MAF: variants seen among roughly 807,000 people sequenced by gnomAD.
The protein encoded by MAF is transcription factor Maf.
MAF carries 10 observed loss-of-function variants against 22.0 expected under a neutral mutation model. The observed-to-expected ratio is 0.45, with a 90% CI of 0.28 to 0.77. The LOEUF is 0.77. Among genes scored for constraint, MAF ranks in the 30% least tolerant of loss-of-function variants. The probability of loss-of-function intolerance (pLI) is 0.12; values close to 1 mark genes in which losing one functional copy is unlikely to be tolerated. For missense variants in MAF, 544 were observed against 548.4 expected, an observed-to-expected ratio of 0.99 and a Z score of 0.08; for synonymous variants, 337 against 255.8, an observed-to-expected ratio of 1.32 and a Z score of -3.03.
At chr16:79,457,512 A>G in the MAF span, among the ~76,000 whole-genome samples, 2 of 152,138 alleles carry the variant, frequency 1.3e-5, no homozygotes. Flanking sequence ...TTTTCATTCA[A>G]CCATGTCAGC....
At chr16:79,329,348 G>C in the MAF span, among the ~76,000 whole-genome samples, 1 of 152,102 alleles carries the variant, frequency 6.6e-6, no homozygotes, top group Non-Finnish European at 1.5e-5. Context: ...GTGAGAGTTT[G>C]CATCAGTCTT....
At chr16:79,407,016 G>A in the MAF span, among the ~76,000 whole-genome samples, 57 of 152,250 alleles carry the variant, frequency 3.7e-4, no homozygotes, top group African/African-American at 1.4e-3. Context: ...ACACCCAGCC[G>A]GGAAAGAAGC....
chr16:79,288,083 A>AG, the MAF span, among the ~76,000 whole-genome samples: 3 of 152,120 alleles, frequency 2.0e-5, no homozygotes, highest in African/African-American at 7.2e-5. Context: ...ACAGAGAGGA[A>AG]GGCATTGGAG....
rs781515898 is a variant in MAF at position 79,594,131 on chromosome 16, C to T, written c.*329G>A. 3.8e-5 allele frequency: 12 copies of T among 312,344 alleles called. No homozygotes were observed. The highest frequency in any genetic ancestry group is 1.7e-4 in the African/African-American group (8 of 48,020). 19.3% of individuals were successfully genotyped at this position (312,344 alleles called of 1,614,324 possible). On this transcript the variant is annotated 3_prime_UTR_variant, in exon 2 of 2. Transcript: ENST00000326043. ...TTTTAAAATGCTAATTGTTGCATTC[C>T]GGGAAACTTTCCATTATATATATGC...
chr16:79,368,442 T>C, the MAF span, among the ~76,000 whole-genome samples: 2 of 152,178 alleles, frequency 1.3e-5, no homozygotes, highest in Non-Finnish European at 2.9e-5. Flanking sequence ...TACAGAGTGA[T>C]CCATCTGATT....
the MAF span, among the ~76,000 whole-genome samples, chr16:79,272,470 G>T: frequency 6.6e-6 from 1 of 152,010 alleles, no homozygotes; most frequent in African/African-American, 2.4e-5. Context: ...AGTGGAGGGG[G>T]AGGTGGGAGC....
At chr16:79,343,725 G>C in the MAF span, among the ~76,000 whole-genome samples, 2 of 152,070 alleles carry the variant, frequency 1.3e-5, no homozygotes, top group African/African-American at 4.8e-5. Flanking sequence ...TCTCTCTTTG[G>C]ATTATTTATT....
chr16:79,266,691 G>C, the MAF span, among the ~76,000 whole-genome samples: 6 of 152,194 alleles, frequency 3.9e-5, no homozygotes, highest in Non-Finnish European at 7.3e-5. Flanking sequence ...GAGTAGGGTA[G>C]AGTGATGGAT....
chr16:79,546,763 G>A, the MAF span, among the ~76,000 whole-genome samples: 20 of 152,078 alleles, frequency 1.3e-4, no homozygotes, highest in Non-Finnish European at 2.6e-4. Context: ...TGCCTCGTGT[G>A]CATATGTGTG....
At chr16:79,281,746 C>T in the MAF span, among the ~76,000 whole-genome samples, 20 of 152,104 alleles carry the variant, frequency 1.3e-4, 1 homozygote, top group South Asian at 4.2e-3. Flanking sequence ...GGGGTTTGAC[C>T]ATGTTGGCCA....
the MAF span, among the ~76,000 whole-genome samples, chr16:79,251,799 C>T: frequency 6.6e-6 from 1 of 152,184 alleles, no homozygotes; most frequent in Non-Finnish European, 1.5e-5. Flanking sequence ...GATCAGGTAT[C>T]TATTCTCCGA....
chr16:79,403,243 A>G, the MAF span, among the ~76,000 whole-genome samples: 1 of 152,100 alleles, frequency 6.6e-6, no homozygotes, highest in East Asian at 1.9e-4. Flanking sequence ...AAAAGCAAAG[A>G]CTCTGTTCCA....
the MAF span, among the ~76,000 whole-genome samples, chr16:79,353,329 A>G: frequency 6.6e-6 from 1 of 152,124 alleles, no homozygotes; most frequent in African/African-American, 2.4e-5. Flanking sequence ...GGGTTTCACT[A>G]TGTTGCCCAG....
the MAF span, among the ~76,000 whole-genome samples, chr16:79,504,722 A>T: frequency 6.6e-6 from 1 of 152,192 alleles, no homozygotes; most frequent in Admixed American, 6.5e-5. Context: ...TGATGGATGG[A>T]TATAAAATGA....
the MAF span, among the ~76,000 whole-genome samples, chr16:79,382,359 T>G: frequency 2.6e-5 from 4 of 152,214 alleles, no homozygotes; most frequent in African/African-American, 9.7e-5. Context: ...AGGTTTTATA[T>G]CAGATCTGTC....
the MAF span, among the ~76,000 whole-genome samples, chr16:79,301,057 C>T: frequency 2.1e-3 from 326 of 152,186 alleles, 1 homozygote; most frequent in African/African-American, 7.6e-3. Context: ...AAAAAACACA[C>T]ACAAAACCGA....
chr16:79,330,742 C>A, the MAF span, among the ~76,000 whole-genome samples: 1 of 152,254 alleles, frequency 6.6e-6, no homozygotes, highest in African/African-American at 2.4e-5. Context: ...ACTTGGAAAT[C>A]TGGCTCAGCT....
At chr16:79,213,821 A>G in the MAF span, among the ~76,000 whole-genome samples, 1 of 152,186 alleles carries the variant, frequency 6.6e-6, no homozygotes, top group East Asian at 1.9e-4. Context: ...TTAAGCCACT[A>G]AGTTTCAGGA....
the MAF span, among the ~76,000 whole-genome samples, chr16:79,371,559 T>C: frequency 6.6e-6 from 1 of 152,172 alleles, no homozygotes; most frequent in African/African-American, 2.4e-5. Flanking sequence ...CACACTGGAC[T>C]CCTTCCTGCT....
Sources: allele counts gnomAD v4.1 joint callset (sites outside exome capture counted in the v4.1 genomes callset), GRCh38; gene constraint gnomAD v4.1.1; transcripts MANE v1.5; gene names NCBI Gene and HGNC (gene_info 2026-07-23, HGNC 2026-07-21).